The following NXN variants were observed in gnomAD, a reference collection of about 807,000 sequenced individuals.
NXN encodes the protein nucleoredoxin 1.
A neutral mutation model predicts 48.6 loss-of-function variants in NXN; 16 were observed. That is an observed-to-expected ratio of 0.33 (90% CI 0.22 to 0.50). NXN has a LOEUF of 0.50. NXN is among the 20% of genes least tolerant of loss of function. The pLI, the probability that NXN is intolerant of heterozygous loss-of-function variation, is 0.98. For missense variants in NXN, 492 were observed against 605.5 expected (o/e 0.81, Z 1.97); for synonymous variants, 281 against 269.6 (o/e 1.04, Z -0.41).
At chr17:959,234 C>T in intron 1 of NXN, 1 of 945,668 alleles carries the variant, frequency 1.1e-6, no homozygotes, top group Non-Finnish European at 1.4e-6. Flanking sequence ...TGCAGATACC[C>T]CAGCTCCCAG....
chr17:874,240 G>A (rs1396291388), intron 1 of NXN, among the ~76,000 whole-genome samples: 3 of 151,998 alleles, frequency 2.0e-5, no homozygotes, highest in African/African-American at 4.8e-5. Flanking sequence ...TAAGTTTCCC[G>A]AGGCCTCCCC....
At chr17:834,431 C>T (rs1368367614) in intron 1 of NXN, among the ~76,000 whole-genome samples, 1 of 152,062 alleles carries the variant, frequency 6.6e-6, no homozygotes, top group Non-Finnish European at 1.5e-5. Flanking sequence ...ACCCAGGGTG[C>T]ATTTTGTTAG....
intron 1 of NXN, among the ~76,000 whole-genome samples, chr17:904,004 G>A (rs541982440): frequency 2.4e-4 from 36 of 152,310 alleles, no homozygotes; most frequent in African/African-American, 7.9e-4. Context: ...ATTTGTAGAC[G>A]CAGAACCTAG....
chr17:955,194 G>C lies in NXN; in HGVS notation c.360+24125C>G, dbSNP rs1415165847. Among the ~76,000 whole-genome samples the C allele has an allele frequency of 2.9e-5, 4 of 139,410 alleles. No individual in the cohort carries two copies. In the Admixed American group the frequency reaches 3.0e-4, roughly 10 times the overall value. The allele number at this position is 139,410 out of a possible 152,430, so 91.5% of individuals were successfully genotyped here. A position where few individuals can be genotyped will look rare whatever the true frequency, so the allele number is the denominator to read the frequency against. On this transcript the variant is annotated intron_variant, in intron 1 of 7. Transcript: ENST00000336868. ...TTTTTTTTTTTTTTCCTGAGACAGA[G>C]TCTCGCTCTGTCACCCAGGCTGGAG... is the stretch of plus-strand genomic sequence containing the variant.
At chr17:889,487 A>T (rs1189385230) in intron 1 of NXN, among the ~76,000 whole-genome samples, 2 of 152,164 alleles carry the variant, frequency 1.3e-5, no homozygotes, top group African/African-American at 4.8e-5. Context: ...GCCTGAGGTC[A>T]GGAGTTCAAG....
intron 1 of NXN, among the ~76,000 whole-genome samples, chr17:913,630 G>A (rs1023595175): frequency 7.1e-6 from 1 of 141,452 alleles, no homozygotes; most frequent in Non-Finnish European, 1.5e-5. Flanking sequence ...TGCAGAGACC[G>A]GGAACCGATA....
intron 1 of NXN, among the ~76,000 whole-genome samples, chr17:906,573 T>C (rs1235842956): frequency 1.7e-4 from 2 of 11,602 alleles, no homozygotes; most frequent in Non-Finnish European, 7.1e-4. Context: ...GGTTTCTGGG[T>C]TTTTTTTTTT....
At chr17:968,947 AAG>A (rs2150637434) in intron 1 of NXN, among the ~76,000 whole-genome samples, 1 of 152,208 alleles carries the variant, frequency 6.6e-6, no homozygotes, top group South Asian at 2.1e-4. Flanking sequence ...AAAAAAAAGA[AAG>A]AAAGAAAGAA....
intron 5 of NXN, among the ~76,000 whole-genome samples, chr17:813,321 A>G (rs1314082446): frequency 6.6e-6 from 1 of 152,236 alleles, no homozygotes; most frequent in African/African-American, 2.4e-5. Context: ...TTCTAAGACT[A>G]GAGAGAAGCC....
chr17:886,661 C>T (rs2068351424), intron 1 of NXN, among the ~76,000 whole-genome samples: 1 of 151,996 alleles, frequency 6.6e-6, no homozygotes, highest in Admixed American at 6.6e-5. Context: ...AGCTGTAGTC[C>T]CAGCTACTCA....
At position 812,671 on chromosome 17, in the gene NXN, T is replaced by C. The variant is rs200388841; in HGVS notation, c.820+6768A>G. On this transcript the variant is annotated intron_variant, in intron 5 of 7. Transcript: ENST00000336868. Reference sequence around the variant, plus strand: ...GCATGTGTGTGACTGTAGGTGTGTGTGAGTGTAGGTGTGTGCACATATGAA... The same window carrying C: ...GCATGTGTGTGACTGTAGGTGTGTGCGAGTGTAGGTGTGTGCACATATGAA... Among the ~76,000 whole-genome samples, 862 of 149,310 alleles carry C rather than the reference T, an allele frequency of 5.8e-3. 7 individuals are homozygous for C. The highest frequency in any genetic ancestry group is 0.019 in the African/African-American group (782 of 40,104).
rs914990576 is a variant in NXN at position 932,493 on chromosome 17, T to C, written c.360+46826A>G. 1.3e-5 allele frequency among the ~76,000 whole-genome samples: 2 copies of C among 152,216 alleles called. No individual in the cohort carries two copies. Among genetic ancestry groups the C allele is most frequent in the Non-Finnish European group, 2.9e-5 (2 of 68,046 alleles). On this transcript the variant is annotated intron_variant, in intron 1 of 7. Coordinates refer to ENST00000336868, the MANE Select transcript of NXN (RefSeq NM_022463.5). The surrounding 1 kb of genome is among the most constrained non-coding windows in gnomAD (Gnocchi z 4.1). ...AGCAAAACAAAACTCTGAGGCGGCG[T>C]TGGGTCCAGTCGTCGTCTCCTCAGC...
At chr17:823,345 A>C (rs1181943474) in intron 3 of NXN, among the ~76,000 whole-genome samples, 1 of 149,616 alleles carries the variant, frequency 6.7e-6, no homozygotes, top group East Asian at 2.0e-4. Context: ...GTTGCAGTGA[A>C]CTGAGATCGC....
rs1180154841 is a variant in NXN, at chr17:919,497, T to A, written c.360+59822A>T. 2.6e-5 allele frequency among the ~76,000 whole-genome samples: 4 copies of A among 152,208 alleles called. No individual in the cohort carries two copies. The highest frequency in any genetic ancestry group is 5.9e-5 in the Non-Finnish European group (4 of 68,038). The stretch of plus-strand genomic sequence containing the variant: ...ATTGTAACACGAGGAAAAAGCCCTG[T>A]AATCTCAGCACAACCAGAAATTAAA... On this transcript the variant is annotated intron_variant, in intron 1 of 7. Transcript: ENST00000336868. This position sits in a 1 kb window ranked among gnomAD's most constrained non-coding sequence, Gnocchi z 5.1.
At chr17:822,976 T>C (rs1471733224) in intron 3 of NXN, among the ~76,000 whole-genome samples, 1 of 151,936 alleles carries the variant, frequency 6.6e-6, no homozygotes, top group Non-Finnish European at 1.5e-5. Context: ...AGTGTGCGCC[T>C]GGAGCCCCAG....
chr17:955,162 C>CTTTTTTT (rs749641262), intron 1 of NXN, among the ~76,000 whole-genome samples: 1 of 125,176 alleles, frequency 8.0e-6, no homozygotes, highest in African/African-American at 3.2e-5. Context: ...TCATCTCTTT[C>CTTTTTTT]TTTTTTTTTT....
chr17:955,987 C>T (rs66818284), intron 1 of NXN, among the ~76,000 whole-genome samples: 8,804 of 152,186 alleles, frequency 0.058, 339 homozygotes, highest in African/African-American at 0.099. Flanking sequence ...GCCATCTGAC[C>T]GCCTCCTCCC....
In NXN at chr17:956,587, G is replaced by C. The variant is rs2069171477; in HGVS notation, c.360+22732C>G. Among the ~76,000 whole-genome samples, 1 of 151,988 alleles carries C rather than the reference G, an allele frequency of 6.6e-6. No homozygotes were observed. The highest frequency in any genetic ancestry group is 2.1e-4 in the South Asian group (1 of 4,818). Reference sequence around the variant, plus strand: ...CGCCACCACGTCCGGCTAATTTTTTGTATTTTTAGTAGCAATGGGGTTTCA... The same window carrying C: ...CGCCACCACGTCCGGCTAATTTTTTCTATTTTTAGTAGCAATGGGGTTTCA... On this transcript the variant is annotated intron_variant, in intron 1 of 7. Coordinates refer to ENST00000336868, the MANE Select transcript of NXN (RefSeq NM_022463.5). This position sits in a 1 kb window ranked among gnomAD's most constrained non-coding sequence, Gnocchi z 4.1.
intron 7 of NXN, among the ~76,000 whole-genome samples, chr17:801,443 C>CTTTTTTTTTTTT (rs71371579): frequency 1.2e-4 from 12 of 104,302 alleles, no homozygotes; most frequent in East Asian, 6.7e-4. Context: ...ATGTCACATT[C>CTTTTTTTTTTTT]TTTTTTTTTT....
Sources: gnomAD v4.1 joint callset for allele counts (sites outside exome capture counted in the v4.1 genomes callset) on GRCh38, gnomAD v4.1.1 for gene constraint, Gnocchi (gnomAD v3.1) non-coding constraint, MANE v1.5 for transcripts, NCBI Gene and HGNC (gene_info 2026-07-23, HGNC 2026-07-21) for gene names.